SLC26A3: variants seen among roughly 807,000 people sequenced by gnomAD.
The protein encoded by SLC26A3 is solute carrier family 26 member 3.
A neutral mutation model predicts 85.6 loss-of-function variants in SLC26A3; 64 were observed. The ratio of observed to expected loss-of-function variants is 0.75; its 90% CI spans 0.61 to 0.92. The LOEUF (loss-of-function observed/expected upper bound fraction) is 0.92. Among genes scored for constraint, SLC26A3 ranks in the 40% least tolerant of loss-of-function variants. The pLI, the probability that SLC26A3 is intolerant of heterozygous loss-of-function variation, is 0.00. For missense variants in SLC26A3, 922 were observed against 927.3 expected (o/e 0.99, Z 0.07); for synonymous variants, 349 against 336.0 (o/e 1.04, Z -0.42).
At chr7:107,778,807 T>G (rs1794171963) in intron 12 of SLC26A3, among the ~76,000 whole-genome samples, 1 of 151,830 alleles carries the variant, frequency 6.6e-6, no homozygotes, top group South Asian at 2.1e-4. Context: ...CTGGGCAACA[T>G]AGTGAGAATC....
At chr7:107,789,461 C>T in intron 6 of SLC26A3, 63 bp downstream of exon 6, 1 of 1,506,892 alleles carries the variant, frequency 6.6e-7, no homozygotes, top group Admixed American at 1.7e-5. Context: ...AAGGAAAGCT[C>T]TCTAAAAACA....
intron 1 of SLC26A3, among the ~76,000 whole-genome samples, chr7:107,795,908 A>C (rs1336833249): frequency 6.6e-6 from 1 of 152,016 alleles, no homozygotes; most frequent in Admixed American, 6.6e-5. Flanking sequence ...ACCAGGAATC[A>C]GATGCTGGCC....
intron 3 of SLC26A3, among the ~76,000 whole-genome samples, chr7:107,793,113 T>C (rs937397767): frequency 1.3e-5 from 2 of 152,096 alleles, no homozygotes; most frequent in Non-Finnish European, 2.9e-5. Context: ...TATGGAGAAA[T>C]CTGAACCCTC....
chr7:107,782,715 T>C (rs1205906834), intron 11 of SLC26A3, 82 bp downstream of exon 11: 18 of 1,270,242 alleles, frequency 1.4e-5, no homozygotes, highest in Non-Finnish European at 1.2e-6. Flanking sequence ...TTCCCCTAGT[T>C]TAGTTTGTGC....
At chr7:107,801,649 G>C (rs565086924) in intron 1 of SLC26A3, among the ~76,000 whole-genome samples, 1 of 152,254 alleles carries the variant, frequency 6.6e-6, no homozygotes, top group South Asian at 2.1e-4. Context: ...GAGCTGTTTA[G>C]GAGGTATTAA....
intron 16 of SLC26A3, 138 bp downstream of exon 16, chr7:107,774,639 T>C (rs1342034443): frequency 1.2e-5 from 9 of 730,224 alleles, no homozygotes; most frequent in Non-Finnish European, 2.2e-5. Context: ...AAGGATGTCA[T>C]TTTAAAATAT....
rs1353106619 is a variant in SLC26A3, at chr7:107,778,187, A to G, written c.1502T>C (p.Phe501Ser). Residue 501 changes from phenylalanine (F) to serine (S), a missense_variant, in exon 13 of 21, where the codon TTC (phenylalanine) becomes TCC (serine). Phe to Ser is a radical substitution (Grantham distance 155). Transcript: ENST00000340010. ...TTTGAGCACTCACAATTGGGTCCTG[A>G]ACACGATGGTTAGCAGTTGAAATGC... The part of the protein sequence containing the change: ...SVAFQLLTIV[F>S]RTQFPKCSTL... The G allele has an allele frequency of 6.2e-7, 1 of 1,613,030 alleles. No individual in the cohort carries two copies. Among genetic ancestry groups the G allele is most frequent in the Non-Finnish European group, 8.5e-7 (1 of 1,179,120 alleles).
intron 4 of SLC26A3, 64 bp from the exon 5 acceptor site, chr7:107,791,299 A>G (rs1794397744): frequency 3.4e-6 from 5 of 1,486,364 alleles, no homozygotes; most frequent in Middle Eastern, 1.7e-4. Context: ...TCTTTCAACC[A>G]CAGAATAAGA....
In SLC26A3 at chr7:107,770,000, C is replaced by CTTTCTTTCTT. The variant is rs1306096940; in HGVS notation, c.2062+2053_2062+2054insAAGAAAGAAA. Reference sequence around the variant, plus strand: ...CCCTCCCTTCCTTCCTTCCTTTTTTCTCTTTCTTTCTTTCTTTCTTTCTTT... The same window carrying CTTTCTTTCTT: ...CCCTCCCTTCCTTCCTTCCTTTTTTCTTTCTTTCTTTCTTTCTTTCTTTCTTTCTTTCTTT... On this transcript the variant is annotated intron_variant, in intron 18 of 20. Transcript: ENST00000340010. Among the ~76,000 whole-genome samples the CTTTCTTTCTT allele has an allele frequency of 9.9e-5, 13 of 131,100 alleles. No homozygotes were observed. The East Asian group carries it at 1.1e-3, about 11-fold the overall frequency. The allele number at this position is 131,100 out of a possible 152,430, so 86.0% of individuals were successfully genotyped here.
rs890074935 is a variant in SLC26A3, at chr7:107,789,803, C to T, written c.571-115G>A. 7 of 1,139,300 alleles carry T rather than the reference C, an allele frequency of 6.1e-6. No homozygotes were observed. In the African/African-American group the frequency reaches 6.2e-5, roughly 10 times the overall value. The allele number at this position is 1,139,300 out of a possible 1,614,324, so 70.6% of individuals were successfully genotyped here. ...AACGTAAAGGCTCAACCTGTATGTA[C>T]ATGCCTTGAAGAAGCAAATGTCCCT... On this transcript the variant is annotated intron_variant, in intron 5 of 20. Coordinates refer to ENST00000340010, the MANE Select transcript of SLC26A3 (RefSeq NM_000111.3).
chr7:107,794,611 G>A lies in SLC26A3; in HGVS notation c.-88-14C>T. 1 of 1,261,888 alleles carries A rather than the reference G, an allele frequency of 7.9e-7. No homozygotes were observed. The highest frequency in any genetic ancestry group is 1.2e-6 in the Non-Finnish European group (1 of 862,270). 78.2% of individuals were successfully genotyped at this position (1,261,888 alleles called of 1,614,324 possible). A position where few individuals can be genotyped will look rare whatever the true frequency, so the allele number is the denominator to read the frequency against. On this transcript the variant is annotated splice_polypyrimidine_tract_variant and intron_variant, in intron 1 of 20. Coordinates refer to ENST00000340010, the MANE Select transcript of SLC26A3 (RefSeq NM_000111.3). The stretch of plus-strand genomic sequence containing the variant: ...GGTTAAAAATGCCTGAAACCAAACA[G>A]AGCTTGCTTCTTAAATAACTCAGAG...
chr7:107,783,124 A>G, intron 9 of SLC26A3, 31 bp from the exon 10 acceptor site: 1 of 1,613,362 alleles, frequency 6.2e-7, no homozygotes, highest in Non-Finnish European at 8.5e-7. Context: ...AACCTTTTTC[A>G]GAAGTGGCAC....
chr7:107,767,414 C>T (rs1342134328), intron 20 of SLC26A3, among the ~76,000 whole-genome samples, 165 bp downstream of exon 20: 1 of 152,174 alleles, frequency 6.6e-6, no homozygotes, highest in Non-Finnish European at 1.5e-5. Flanking sequence ...TTCCTGAAAA[C>T]TCCCTGTGAG....
intron 1 of SLC26A3, among the ~76,000 whole-genome samples, chr7:107,799,074 A>T (rs546464638): frequency 6.6e-6 from 1 of 152,290 alleles, no homozygotes; most frequent in East Asian, 1.9e-4. Flanking sequence ...CAGGGAGATG[A>T]TGGCATCAGA....
intron 12 of SLC26A3, 49 bp from the exon 13 acceptor site, chr7:107,778,330 A>G (rs1027928493): frequency 1.4e-5 from 16 of 1,129,652 alleles, no homozygotes; most frequent in Non-Finnish European, 1.9e-5. Flanking sequence ...TGATTAAAGT[A>G]CAATGTCGAG....
At position 107,774,055 on chromosome 7, in the gene SLC26A3, G is replaced by T. The variant is rs762241978; in HGVS notation, c.1872C>A (p.Asp624Glu). The T allele has an allele frequency of 1.2e-6, 2 of 1,614,000 alleles. No individual in the cohort carries two copies. Among genetic ancestry groups the T allele is most frequent in the South Asian group, 2.2e-5 (2 of 91,090 alleles). The stretch of plus-strand genomic sequence containing the variant: ...CATTCCAGTCAATGTGGAAAGGCAG[G>T]TCTGTGGTATTGATTGGCTGGTCCA... ...EVLDQPINTTDLPFHIDWNDD... is the reference protein window; with the variant it reads ...EVLDQPINTTELPFHIDWNDD... Residue 624 changes from aspartate to glutamate, a missense_variant, in exon 17 of 21, where the codon GAC (aspartate) becomes GAA (glutamate). Physicochemically the swap from Asp to Glu is conservative, Grantham distance 45 (BLOSUM62 2). Coordinates refer to ENST00000340010, the MANE Select transcript of SLC26A3 (RefSeq NM_000111.3).
At chr7:107,776,784 C>T (rs58589956) in intron 13 of SLC26A3, 78 bp from the exon 14 acceptor site, 63,052 of 1,301,098 alleles carry the variant, frequency 0.048, 1,802 homozygotes, top group South Asian at 0.09. Flanking sequence ...CTTTTTCCAG[C>T]ATACCAAAGC....
intron 1 of SLC26A3, among the ~76,000 whole-genome samples, chr7:107,797,880 A>C (rs1208342284): frequency 6.6e-6 from 1 of 152,022 alleles, no homozygotes; most frequent in Non-Finnish European, 1.5e-5. Context: ...TTTGCCAGAA[A>C]TTCTTGGAAA....
chr7:107,766,645 T>A (rs1793920217), intron 20 of SLC26A3, among the ~76,000 whole-genome samples: 1 of 152,194 alleles, frequency 6.6e-6, no homozygotes, highest in Admixed American at 6.5e-5. Flanking sequence ...GACTAGAAAT[T>A]CCTTTTTTGA....
Sources: allele counts gnomAD v4.1 joint callset (sites outside exome capture counted in the v4.1 genomes callset), GRCh38; gene constraint gnomAD v4.1.1; transcripts MANE v1.5; gene names NCBI Gene and HGNC (gene_info 2026-07-23, HGNC 2026-07-21).